NOC3L: variants seen among roughly 807,000 people sequenced by gnomAD.
NOC3L encodes the protein nucleolar complex protein 3 homolog.
A neutral mutation model predicts 102.5 loss-of-function variants in NOC3L; 85 were observed. The observed-to-expected ratio is 0.83, with a 90% CI of 0.70 to 0.99. NOC3L has a LOEUF of 0.99. NOC3L is among the 50% of genes least tolerant of loss of function. The pLI is 0.00. For synonymous variants in NOC3L, 303 were observed against 309.4 expected (o/e 0.98, Z 0.22); for missense variants, 878 against 914.9 (o/e 0.96, Z 0.52).
At chr10:94,345,473 G>A (rs1476524353) in intron 11 of NOC3L, among the ~76,000 whole-genome samples, 1 of 151,928 alleles carries the variant, frequency 6.6e-6, no homozygotes, top group South Asian at 2.1e-4. Flanking sequence ...ACCTAATGCT[G>A]TAAGAGCAGT....
the NOC3L span, chr10:94,324,336 A>T: frequency 6.3e-7 from 1 of 1,599,506 alleles, no homozygotes; most frequent in East Asian, 2.2e-5. Flanking sequence ...GTTGATCATA[A>T]CTTACCTTTC....
At chr10:94,336,505 G>A (rs1589563558) in intron 19 of NOC3L, among the ~76,000 whole-genome samples, 2 of 151,688 alleles carry the variant, frequency 1.3e-5, no homozygotes, top group African/African-American at 2.4e-5. Context: ...CCACCACCAC[G>A]CCTGGCTAAT....
intron 14 of NOC3L, 55 bp from the exon 15 acceptor site, chr10:94,340,551 C>A: frequency 6.9e-7 from 1 of 1,439,056 alleles, no homozygotes; most frequent in South Asian, 1.2e-5. Flanking sequence ...ATGGTAATTG[C>A]CATTTATAGC....
intron 5 of NOC3L, among the ~76,000 whole-genome samples, chr10:94,355,546 A>AC (rs777907554): frequency 5.0e-4 from 76 of 151,376 alleles, no homozygotes; most frequent in Non-Finnish European, 1.0e-3. Context: ...GAGCCACAAT[A>AC]CCCAGCTAAT....
At chr10:94,327,787 C>T in the NOC3L span, among the ~76,000 whole-genome samples, 1 of 152,134 alleles carries the variant, frequency 6.6e-6, no homozygotes, top group Non-Finnish European at 1.5e-5. Flanking sequence ...GCAGAAATAA[C>T]CTAATGTTCT....
chr10:94,334,425 C>A, intron 20 of NOC3L, 120 bp from the exon 21 acceptor site: 1 of 685,186 alleles, frequency 1.5e-6, no homozygotes, highest in Non-Finnish European at 2.5e-6. Context: ...ATGACAGATG[C>A]TTGGTAAGGT....
the NOC3L span, chr10:94,325,010 G>A: frequency 6.2e-7 from 1 of 1,614,062 alleles, no homozygotes; most frequent in African/African-American, 1.3e-5. Flanking sequence ...ACCTCAGAAA[G>A]TATCCAAACC....
At chr10:94,341,804 A>AT in intron 13 of NOC3L, 59 bp from the exon 14 acceptor site, 1 of 998,082 alleles carries the variant, frequency 1.0e-6, no homozygotes, top group East Asian at 2.5e-5. Context: ...GCTGGTAGAA[A>AT]TTAAGCTTGA....
chr10:94,331,481 A>G (rs574350480), downstream of NOC3L: 10 of 152,244 alleles, frequency 6.6e-5, no homozygotes, highest in African/African-American at 1.7e-4. Context: ...AAAACTCCAC[A>G]TCTATGCTCC....
chr10:94,359,070 G>C (rs1465746903), intron 2 of NOC3L, among the ~76,000 whole-genome samples: 2 of 151,442 alleles, frequency 1.3e-5, no homozygotes, highest in African/African-American at 4.9e-5. Context: ...ATTCAACTAT[G>C]AATAAAACAA....
intron 6 of NOC3L, among the ~76,000 whole-genome samples, chr10:94,353,757 C>T (rs375986910): frequency 6.6e-6 from 1 of 152,108 alleles, no homozygotes; most frequent in Non-Finnish European, 1.5e-5. Context: ...TCCTAAAGTA[C>T]GTGTGTCCTA....
chr10:94,324,879 T>C, the NOC3L span: 1 of 1,613,660 alleles, frequency 6.2e-7, no homozygotes, highest in Non-Finnish European at 8.5e-7. Context: ...TGGAAGGTTC[T>C]TTGTTCCCAC....
At position 94,338,726 on chromosome 10, in the gene NOC3L, TTG is replaced by T; in HGVS notation, c.1971_1972del (p.Lys658AsnfsTer6). 6.2e-7 allele frequency: 1 copy of T among 1,611,042 alleles called. No homozygotes were observed. The highest frequency in any genetic ancestry group is 8.5e-7 in the Non-Finnish European group (1 of 1,178,844). Reference sequence around the variant, plus strand: ...TTCACTGTCAAGCAGTAGATCTGTTTTGGGGAAAGTCTGCAAAAATGTCACAT... The same window carrying T: ...TTCACTGTCAAGCAGTAGATCTGTTTGGGAAAGTCTGCAAAAATGTCACAT... On this transcript the variant is annotated frameshift_variant, in exon 18 of 21. Transcript: ENST00000371361. LOFTEE classifies it high-confidence loss of function.
rs1035322289 is a variant in NOC3L at position 94,337,886 on chromosome 10, A to T, written c.2092-12T>A. The T allele has an allele frequency of 5.0e-5, 80 of 1,593,964 alleles. No homozygotes were observed. The highest frequency in any genetic ancestry group is 1.7e-4 in the Middle Eastern group (1 of 6,054). ...GGATGATAATGCCTCTGAAGGGAAA[A>T]CGGGACAATCACATTCTGCACAGGT... On this transcript the variant is annotated splice_polypyrimidine_tract_variant and intron_variant, in intron 18 of 20. Coordinates refer to ENST00000371361, the MANE Select transcript of NOC3L (RefSeq NM_022451.11).
intron 1 of NOC3L, 55 bp from the exon 2 acceptor site, chr10:94,361,927 G>T (rs2054556304): frequency 2.3e-6 from 3 of 1,287,914 alleles, no homozygotes; most frequent in East Asian, 2.4e-5. Context: ...TTTAAATCAG[G>T]TTAAAGAGAA....
Position 94,350,144 on chromosome 10 carries a change from A to G in NOC3L, c.1097T>C (p.Ile366Thr), listed in dbSNP as rs1387325301. The G allele has an allele frequency of 6.2e-7, 1 of 1,614,080 alleles. No individual in the cohort carries two copies. Among genetic ancestry groups the G allele is most frequent in the Non-Finnish European group, 8.5e-7 (1 of 1,180,048 alleles). The change falls in exon 9 of 21, where the codon ATT (isoleucine) becomes ACT (threonine). Residue 366 changes from isoleucine (I) to threonine (T), a missense_variant. Physicochemically the swap from Ile to Thr is moderately conservative, Grantham distance 89. Coordinates refer to ENST00000371361, the MANE Select transcript of NOC3L (RefSeq NM_022451.11). ...TGACATGTCATTCATGAGAGGGACA[A>G]TCAATACGATGATGTTGTTGTGAAA... ...FNFHNNIIVL[I>T]VPLMNDMSKL...
the NOC3L span, chr10:94,327,916 T>C: frequency 9.8e-6 from 5 of 511,648 alleles, no homozygotes; most frequent in Non-Finnish European, 2.0e-5. Flanking sequence ...CGCAAGTGTT[T>C]CTGTTTCTTC....
Position 94,334,314 on chromosome 10 carries a change from A to C in NOC3L, c.2275-9T>G. The C allele has an allele frequency of 6.4e-7, 1 of 1,553,072 alleles. No individual in the cohort carries two copies. The highest frequency in any genetic ancestry group is 8.9e-7 in the Non-Finnish European group (1 of 1,129,924). The stretch of plus-strand genomic sequence containing the variant: ...CCTTGTAAAAATTTACCCTAGGAAA[A>C]TATTTAAAGTATGAGTTAGAAGTTA... On this transcript the variant is annotated splice_polypyrimidine_tract_variant and intron_variant, in intron 20 of 20. Coordinates refer to ENST00000371361, the MANE Select transcript of NOC3L (RefSeq NM_022451.11).
At chr10:94,352,544 A>G in intron 7 of NOC3L, 141 bp from the exon 8 acceptor site, 1 of 626,370 alleles carries the variant, frequency 1.6e-6, no homozygotes, top group Non-Finnish European at 2.8e-6. Context: ...CGTTTAGGCC[A>G]GGCGTGGTGG....
Sources: gnomAD v4.1 joint callset for allele counts (sites outside exome capture counted in the v4.1 genomes callset) on GRCh38, gnomAD v4.1.1 for gene constraint, MANE v1.5 for transcripts, NCBI Gene and HGNC (gene_info 2026-07-23, HGNC 2026-07-21) for gene names.